Variants in DPP10 observed in about 807,000 individuals in gnomAD.
DPP10 encodes the protein inactive dipeptidyl peptidase 10.
DPP10 carries 33 observed loss-of-function variants against 120.9 expected under a neutral mutation model. The ratio of observed to expected loss-of-function variants is 0.27; its 90% CI spans 0.21 to 0.37. The LOEUF (loss-of-function observed/expected upper bound fraction) is 0.37. DPP10 is among the 10% of genes least tolerant of loss of function. DPP10 has a pLI of 1.00. For synonymous variants in DPP10, 337 were observed against 326.1 expected, an observed-to-expected ratio of 1.03 and a Z score of -0.36; for missense variants, 816 against 942.8, an observed-to-expected ratio of 0.87 and a Z score of 1.76.
chr2:115,516,788 T>G (rs527435213), intron 4 of DPP10, among the ~76,000 whole-genome samples: 2 of 152,224 alleles, frequency 1.3e-5, no homozygotes, highest in African/African-American at 2.4e-5. Context: ...GTAATTAATA[T>G]GTAAAAACTC....
At chr2:114,942,320 T>TATATATACAC (rs869121143) in intron 1 of DPP10, among the ~76,000 whole-genome samples, 3 of 123,978 alleles carry the variant, frequency 2.4e-5, no homozygotes, top group African/African-American at 9.4e-5. Flanking sequence ...TATATATATA[T>TATATATACAC]ACACACACAT....
chr2:115,571,693 C>CTTTT (rs11462795), intron 5 of DPP10, among the ~76,000 whole-genome samples: 1 of 117,030 alleles, frequency 8.5e-6, no homozygotes, highest in Non-Finnish European at 1.8e-5. Flanking sequence ...GTTGTTGTTC[C>CTTTT]TTTTTTTTTT....
At chr2:115,538,237 C>T (rs34796956) in intron 5 of DPP10, among the ~76,000 whole-genome samples, 10,624 of 151,920 alleles carry the variant, frequency 0.07, 588 homozygotes, top group Non-Finnish European at 0.097. Context: ...CAGGAAATCA[C>T]GATAGAGTTC....
At chr2:115,675,614 G>C (rs1266351006) in intron 5 of DPP10, among the ~76,000 whole-genome samples, 1 of 152,206 alleles carries the variant, frequency 6.6e-6, no homozygotes, top group Non-Finnish European at 1.5e-5. Context: ...GAATAGGTGA[G>C]TGGGGAATGC....
chr2:115,420,643 A>G (rs1181563151), intron 3 of DPP10, among the ~76,000 whole-genome samples: 1 of 152,188 alleles, frequency 6.6e-6, no homozygotes, highest in Non-Finnish European at 1.5e-5. Context: ...TTCTGAAAAC[A>G]AAGACTGGTA....
At chr2:115,769,480 T>C (rs1047042557) in intron 13 of DPP10, among the ~76,000 whole-genome samples, 1 of 152,078 alleles carries the variant, frequency 6.6e-6, no homozygotes, top group African/African-American at 2.4e-5. Flanking sequence ...ATTAAAATAG[T>C]TGTCATTGTT....
At chr2:115,286,542 A>ATATATATATATATATATATATATATAT in intron 1 of DPP10, among the ~76,000 whole-genome samples, 1 of 66,268 alleles carries the variant, frequency 1.5e-5, no homozygotes, top group South Asian at 4.4e-4. Context: ...TATATATATA[A>ATATATATATATATATATATATATATAT]AATATATACA....
intron 3 of DPP10, among the ~76,000 whole-genome samples, chr2:115,442,648 G>C (rs1374654053): frequency 6.6e-6 from 1 of 152,088 alleles, no homozygotes; most frequent in East Asian, 1.9e-4. Flanking sequence ...TGATGAATGA[G>C]AGGAAACTTG....
intron 1 of DPP10, among the ~76,000 whole-genome samples, chr2:114,749,962 C>T (rs186318710): frequency 5.1e-4 from 77 of 152,194 alleles, no homozygotes; most frequent in Admixed American, 4.9e-3. Context: ...TATATGTGTT[C>T]AGATGCAGAG....
intron 3 of DPP10, among the ~76,000 whole-genome samples, chr2:115,479,934 C>T (rs2075326374): frequency 6.6e-6 from 1 of 152,144 alleles, no homozygotes; most frequent in Non-Finnish European, 1.5e-5. Context: ...AATGCGTCCA[C>T]ACCTGAATTT....
chr2:115,288,761 C>T (rs561835510), intron 1 of DPP10, among the ~76,000 whole-genome samples: 2 of 151,890 alleles, frequency 1.3e-5, no homozygotes, highest in East Asian at 1.9e-4. Flanking sequence ...AACAAACAAC[C>T]GTCAACCAAC....
intron 1 of DPP10, among the ~76,000 whole-genome samples, chr2:114,789,034 A>G (rs1683018794): frequency 6.6e-6 from 1 of 152,176 alleles, no homozygotes; most frequent in African/African-American, 2.4e-5. Context: ...ATTAGCTTGC[A>G]GTTTGAGATT....
intron 3 of DPP10, among the ~76,000 whole-genome samples, chr2:115,358,509 C>CT (rs1324977808): frequency 6.6e-6 from 1 of 152,122 alleles, no homozygotes; most frequent in African/African-American, 2.4e-5. Context: ...CTTCTGAGCC[C>CT]TCCAAGTCTC....
At chr2:114,524,640 A>C (rs996791676) in intron 1 of DPP10, among the ~76,000 whole-genome samples, 1 of 152,242 alleles carries the variant, frequency 6.6e-6, no homozygotes, top group African/African-American at 2.4e-5. Context: ...TCTAGTGAGA[A>C]GAAAAAGACA....
chr2:114,903,383 A>C (rs139735437), intron 1 of DPP10, among the ~76,000 whole-genome samples: 141 of 152,288 alleles, frequency 9.3e-4, no homozygotes, highest in Non-Finnish European at 1.5e-3. Flanking sequence ...AAGTTGTACT[A>C]TTTTGCATTC....
chr2:115,197,435 A>T (rs2055365463), intron 1 of DPP10, among the ~76,000 whole-genome samples: 1 of 152,038 alleles, frequency 6.6e-6, no homozygotes, highest in Admixed American at 6.6e-5. Context: ...AGAATGGAAT[A>T]ACTGGAGTTG....
intron 3 of DPP10, among the ~76,000 whole-genome samples, chr2:115,452,388 T>A (rs1277577672): frequency 3.3e-5 from 5 of 151,910 alleles, no homozygotes; most frequent in African/African-American, 9.7e-5. Context: ...GCTCCCACAC[T>A]CTCTAATTCC....
chr2:114,452,175 C>T (rs1331759302), intron 1 of DPP10, among the ~76,000 whole-genome samples: 1 of 152,058 alleles, frequency 6.6e-6, no homozygotes, highest in African/African-American at 2.4e-5. Flanking sequence ...TTCATTATTT[C>T]AACAATGCCT....
At chr2:114,627,160 C>G (rs1395209353) in intron 1 of DPP10, among the ~76,000 whole-genome samples, 1 of 152,032 alleles carries the variant, frequency 6.6e-6, no homozygotes, top group Non-Finnish European at 1.5e-5. Flanking sequence ...CCAGGTCTTG[C>G]TCACCAGTTA....
Sources: allele counts gnomAD v4.1 joint callset (sites outside exome capture counted in the v4.1 genomes callset), GRCh38; gene constraint gnomAD v4.1.1; transcripts MANE v1.5; gene names NCBI Gene and HGNC (gene_info 2026-07-23, HGNC 2026-07-21).